Variants in EFCAB8 observed in about 807,000 individuals in gnomAD.
EFCAB8 encodes the protein EF-hand calcium-binding domain-containing protein 8.
A neutral mutation model predicts 116.3 loss-of-function variants in EFCAB8; 100 were observed. The observed-to-expected ratio is 0.86, with a 90% CI of 0.73 to 1.02. EFCAB8 has a LOEUF of 1.02. Ranked by LOEUF, EFCAB8 falls within the 50% of genes least tolerant of loss-of-function variation. The pLI, the probability that EFCAB8 is intolerant of heterozygous loss-of-function variation, is 0.00. For synonymous variants in EFCAB8, 558 were observed against 567.9 expected, an observed-to-expected ratio of 0.98 and a Z score of 0.25; for missense variants, 1,320 against 1,416.9, an observed-to-expected ratio of 0.93 and a Z score of 1.10.
intron 6 of EFCAB8, among the ~76,000 whole-genome samples, chr20:32,887,730 C>T (rs1435676579): frequency 6.6e-6 from 1 of 152,232 alleles, no homozygotes; most frequent in Admixed American, 6.5e-5. Context: ...CTTTCCCTGC[C>T]TGGAGTGCCA....
At chr20:32,951,570 G>T (rs1028411955) in intron 23 of EFCAB8, among the ~76,000 whole-genome samples, 2 of 152,308 alleles carry the variant, frequency 1.3e-5, no homozygotes, top group Admixed American at 6.5e-5. Flanking sequence ...AGGGTTGGAA[G>T]GGTGGGAGCT....
intron 5 of EFCAB8, among the ~76,000 whole-genome samples, chr20:32,880,502 C>T (rs1019678459): frequency 7.9e-5 from 12 of 151,994 alleles, no homozygotes; most frequent in African/African-American, 2.9e-4. Flanking sequence ...AACTTGGGGC[C>T]TCAAGTAATC....
At chr20:32,946,269 C>G (rs868287637) in intron 23 of EFCAB8, among the ~76,000 whole-genome samples, 1 of 152,350 alleles carries the variant, frequency 6.6e-6, no homozygotes, top group African/African-American at 2.4e-5. Context: ...GGATGTACAT[C>G]TCAGTCTTTC....
intron 11 of EFCAB8, among the ~76,000 whole-genome samples, chr20:32,901,903 G>A (rs544713126): frequency 1.3e-5 from 2 of 152,284 alleles, no homozygotes; most frequent in African/African-American, 2.4e-5. Context: ...GGCCAGGATG[G>A]TCTTCATCTC....
chr20:32,869,657 A>G (rs538002526), intron 3 of EFCAB8, among the ~76,000 whole-genome samples: 2 of 152,124 alleles, frequency 1.3e-5, no homozygotes, highest in African/African-American at 2.4e-5. Flanking sequence ...ACTCCAGGGG[A>G]GGGGATCGAA....
At chr20:32,874,538 ATTTTCTTTCCT>A (rs1984849845) in intron 3 of EFCAB8, among the ~76,000 whole-genome samples, 1 of 148,738 alleles carries the variant, frequency 6.7e-6, no homozygotes, top group Admixed American at 6.7e-5. Flanking sequence ...TTCTACTTTT[ATTTTCTTTCCT>A]TTTTCTTTTT....
At chr20:32,873,692 A>G (rs1211614933) in intron 3 of EFCAB8, among the ~76,000 whole-genome samples, 2 of 151,456 alleles carry the variant, frequency 1.3e-5, no homozygotes, top group Non-Finnish European at 2.9e-5. Context: ...ATGAAACCCC[A>G]TCTCTACTAA....
Position 32,908,230 on chromosome 20 carries a change from C to T in EFCAB8, c.1309-45C>T, listed in dbSNP as rs760341919. The T allele has an allele frequency of 4.1e-4, 513 of 1,248,194 alleles. 1 individual carries two copies. The highest frequency in any genetic ancestry group is 5.0e-4 in the Non-Finnish European group (496 of 988,240). The allele number at this position is 1,248,194 out of a possible 1,614,324, so 77.3% of individuals were successfully genotyped here. A position where few individuals can be genotyped will look rare whatever the true frequency, so the allele number is the denominator to read the frequency against. ...CCGAGGCTTCAGGAGCCGGCTACAT[C>T]CCCGAGACCCATGCTCAGCGTCTTG... On this transcript the variant is annotated intron_variant, in intron 13 of 26. Transcript: ENST00000400522.
chr20:32,887,013 C>T (rs1387747320), intron 6 of EFCAB8, among the ~76,000 whole-genome samples: 1 of 152,100 alleles, frequency 6.6e-6, no homozygotes, highest in Non-Finnish European at 1.5e-5. Context: ...GACTCCAGCC[C>T]TGGGCAGGAG....
Position 32,959,878 on chromosome 20 carries a change from T to G in EFCAB8, c.3190T>G (p.Trp1064Gly). Residue 1064 changes from tryptophan (W) to glycine (G), a missense_variant, in exon 25 of 27, where the codon TGG becomes GGG. Trp to Gly is a radical substitution (Grantham distance 184). Transcript: ENST00000400522. Reference sequence around the variant, plus strand: ...GAAGGCAGATAAGGAGGCAGACACTTGGGCCAAGCTGCAGAAGATGGCCCT... The same window carrying G: ...GAAGGCAGATAAGGAGGCAGACACTGGGGCCAAGCTGCAGAAGATGGCCCT... Reference protein sequence around the residue: ...HGKADKEADTWAKLQKMALMS... With the variant: ...HGKADKEADTGAKLQKMALMS... 5 of 1,551,350 alleles carry G rather than the reference T, an allele frequency of 3.2e-6. No individual in the cohort carries two copies. Among genetic ancestry groups the G allele is most frequent in the Non-Finnish European group, 4.4e-6 (5 of 1,146,854 alleles).
At chr20:32,933,634 C>G (rs1021931785) in intron 22 of EFCAB8, among the ~76,000 whole-genome samples, 5 of 152,164 alleles carry the variant, frequency 3.3e-5, no homozygotes, top group African/African-American at 1.2e-4. Flanking sequence ...ATTCCCCACC[C>G]CACCCTCTAA....
At chr20:32,917,261 G>T in intron 17 of EFCAB8, 40 bp from the exon 18 acceptor site, 1 of 1,470,018 alleles carries the variant, frequency 6.8e-7, no homozygotes. Flanking sequence ...AGCATTACAG[G>T]CTGAGCTCTC....
chr20:32,956,398 T>C (rs1289438011), intron 23 of EFCAB8, among the ~76,000 whole-genome samples: 2 of 152,170 alleles, frequency 1.3e-5, no homozygotes, highest in African/African-American at 2.4e-5. Flanking sequence ...TTTCCTTTAT[T>C]CTGAAGAAAT....
At chr20:32,895,681 C>T (rs1018200639) in intron 9 of EFCAB8, among the ~76,000 whole-genome samples, 4 of 151,728 alleles carry the variant, frequency 2.6e-5, no homozygotes, top group Non-Finnish European at 5.9e-5. Context: ...AAGTGATTCT[C>T]CCGCCTCAGG....
At chr20:32,863,981 TA>T in intron 2 of EFCAB8, 147 bp downstream of exon 2, 1 of 912,260 alleles carries the variant, frequency 1.1e-6, no homozygotes, top group Admixed American at 3.2e-5. Flanking sequence ...AACTTAAGTG[TA>T]TTTTTTTTTT....
chr20:32,912,677 T>C (rs2146247882), intron 16 of EFCAB8, 117 bp from the exon 17 acceptor site: 2 of 695,898 alleles, frequency 2.9e-6, no homozygotes, highest in Non-Finnish European at 5.3e-6. Context: ...CACCTGTAGG[T>C]GATTTTCGTC....
chr20:32,876,062 G>A lies in EFCAB8; in HGVS notation c.327+18G>A. ...TCACCTGGGTGAGGAGGGTGCCCCT[G>A]CTTCCTCAGGTGCTGGAGGGAGGCT... On this transcript the variant is annotated intron_variant, in intron 4 of 26. Coordinates refer to ENST00000400522, the MANE Select transcript of EFCAB8 (RefSeq NM_001143967.2). The A allele has an allele frequency of 6.5e-7, 1 of 1,546,698 alleles. No homozygotes were observed. The highest frequency in any genetic ancestry group is 8.8e-7 in the Non-Finnish European group (1 of 1,142,838).
intron 22 of EFCAB8, among the ~76,000 whole-genome samples, chr20:32,934,804 T>C (rs1988039843): frequency 6.6e-6 from 1 of 152,216 alleles, no homozygotes; most frequent in South Asian, 2.1e-4. Flanking sequence ...TCTGCCATGA[T>C]TGTGAGGCCT....
rs74802861 is a variant in EFCAB8, at chr20:32,959,482, T to C, written c.3090-296T>C. Among the ~76,000 whole-genome samples the C allele has an allele frequency of 4.8e-3, 734 of 152,118 alleles. 6 individuals carry two copies. The highest frequency in any genetic ancestry group is 0.017 in the African/African-American group (688 of 41,482). On this transcript the variant is annotated intron_variant, in intron 24 of 26. Coordinates refer to ENST00000400522, the MANE Select transcript of EFCAB8 (RefSeq NM_001143967.2). ...GTTTCCCTGGGGCAGGGGGCAGACATGTTTAAATAGTCCACAAGGGGAGGT... is the reference window on the plus strand; with the variant it reads ...GTTTCCCTGGGGCAGGGGGCAGACACGTTTAAATAGTCCACAAGGGGAGGT...
Sources: allele counts gnomAD v4.1 joint callset (sites outside exome capture counted in the v4.1 genomes callset), GRCh38; gene constraint gnomAD v4.1.1; transcripts MANE v1.5; gene names NCBI Gene and HGNC (gene_info 2026-07-23, HGNC 2026-07-21).